COL11A1: variants seen among roughly 807,000 people sequenced by gnomAD.
COL11A1 encodes the protein collagen alpha-1(XI) chain.
COL11A1 carries 74 observed loss-of-function variants against 265.2 expected under a neutral mutation model. The observed-to-expected ratio is 0.28, with a 90% CI of 0.23 to 0.34. COL11A1 has a LOEUF of 0.34. COL11A1 is among the 10% of genes least tolerant of loss of function. The probability of loss-of-function intolerance (pLI) is 1.00; values close to 1 mark genes in which losing one functional copy is unlikely to be tolerated. For synonymous variants in COL11A1, 816 were observed against 727.6 expected, an observed-to-expected ratio of 1.12 and a Z score of -1.96; for missense variants, 2,165 against 2,263.6, an observed-to-expected ratio of 0.96 and a Z score of 0.88.
chr1:102,993,927 G>C (rs1664372419), intron 28 of COL11A1, among the ~76,000 whole-genome samples: 1 of 152,138 alleles, frequency 6.6e-6, no homozygotes, highest in African/African-American at 2.4e-5. Flanking sequence ...CCCATAGGGA[G>C]AGCCAACTGG....
At chr1:103,007,893 C>T (rs1423944377) in intron 15 of COL11A1, among the ~76,000 whole-genome samples, 1 of 145,004 alleles carries the variant, frequency 6.9e-6, no homozygotes, top group Non-Finnish European at 1.5e-5. Context: ...AAAAGATTGT[C>T]TACAGGTTAA....
At chr1:102,920,098 C>A (rs1009545331) in intron 49 of COL11A1, among the ~76,000 whole-genome samples, 1 of 151,972 alleles carries the variant, frequency 6.6e-6, no homozygotes, top group Non-Finnish European at 1.5e-5. Context: ...GAACATAATG[C>A]CTGCACTCAT....
At chr1:103,037,415 C>A (rs1668464167) in intron 4 of COL11A1, among the ~76,000 whole-genome samples, 1 of 151,962 alleles carries the variant, frequency 6.6e-6, no homozygotes, top group African/African-American at 2.4e-5. Flanking sequence ...TGAAGCCAAC[C>A]AGTGATTGGT....
rs374901069 is a variant in COL11A1, at chr1:102,898,928, A to T, written c.4140+13T>A. ...ATATAATATATATTATGTATATATT[A>T]TTTTTTTTTTACCTTAGCACCTTTT... On this transcript the variant is annotated intron_variant, in intron 55 of 66. Transcript: ENST00000370096. 2.8e-3 allele frequency: 3,527 copies of T among 1,254,064 alleles called. 2 individuals carry two copies. The highest frequency in any genetic ancestry group is 3.6e-3 in the Non-Finnish European group (3,295 of 915,626). The allele number at this position is 1,254,064 out of a possible 1,614,324, so 77.7% of individuals were successfully genotyped here. A position where few individuals can be genotyped will look rare whatever the true frequency, so the allele number is the denominator to read the frequency against.
intron 1 of COL11A1, among the ~76,000 whole-genome samples, chr1:103,095,861 C>T (rs1010447211): frequency 4.6e-5 from 7 of 151,640 alleles, no homozygotes; most frequent in African/African-American, 1.7e-4. Flanking sequence ...TATATAAAAG[C>T]CAAAATCTTT....
chr1:103,046,437 C>G lies in COL11A1; in HGVS notation c.652-15193G>C, dbSNP rs540547711. On this transcript the variant is annotated intron_variant, in intron 4 of 66. Transcript: ENST00000370096. ...AGTGTCTGTTCATATCCTTTGCCCA[C>G]TTTTTGATGGGGTTGTTAGTTTTTT... Among the ~76,000 whole-genome samples, 3 of 151,742 alleles carry G rather than the reference C, an allele frequency of 2.0e-5. No homozygotes were observed. In the South Asian group the frequency reaches 6.3e-4, roughly 32 times the overall value.
chr1:103,091,362 T>C (rs1202361144), intron 1 of COL11A1, among the ~76,000 whole-genome samples: 5 of 152,070 alleles, frequency 3.3e-5, no homozygotes, highest in Non-Finnish European at 7.4e-5. Flanking sequence ...CAGAAGTTCA[T>C]ATTTAAATGA....
intron 64 of COL11A1, 32 bp downstream of exon 64, chr1:102,883,167 A>T (rs751423255): frequency 1.4e-6 from 2 of 1,410,882 alleles, no homozygotes; most frequent in Admixed American, 3.3e-5. Context: ...AGGAACTGTC[A>T]ACATTCACCA....
chr1:102,990,925 C>T (rs961424276), intron 28 of COL11A1, among the ~76,000 whole-genome samples: 2 of 151,760 alleles, frequency 1.3e-5, no homozygotes, highest in African/African-American at 4.8e-5. Context: ...CCCAGCTACT[C>T]GGGAGGCTGA....
rs1031865082 is a variant in COL11A1 at position 102,938,932 on chromosome 1, G to A, written c.3438+103C>T. The stretch of plus-strand genomic sequence containing the variant: ...AGGTAATGTAGTATTGGTATTATAA[G>A]TATTGGCTAGGAAAGTAAGTAGCAC... On this transcript the variant is annotated intron_variant, in intron 44 of 66. Coordinates refer to ENST00000370096, the MANE Select transcript of COL11A1 (RefSeq NM_001854.4). 51 of 936,680 alleles carry A rather than the reference G, an allele frequency of 5.4e-5. No homozygotes were observed. The African/African-American group carries it at 7.3e-4, about 13-fold the overall frequency. 58.0% of individuals were successfully genotyped at this position (936,680 alleles called of 1,614,324 possible).
chr1:102,964,020 G>T (rs1661167617), intron 38 of COL11A1, among the ~76,000 whole-genome samples: 1 of 151,928 alleles, frequency 6.6e-6, no homozygotes, highest in Non-Finnish European at 1.5e-5. Context: ...TCTTAAAAAG[G>T]ACCAATAAAA....
chr1:103,012,276 TAATGGAAA>T, intron 14 of COL11A1, 129 bp downstream of exon 14: 1 of 671,814 alleles, frequency 1.5e-6, no homozygotes, highest in African/African-American at 1.8e-5. Flanking sequence ...AGGATTTTTT[TAATGGAAA>T]CAACAGCAAG....
At chr1:103,065,649 T>G (rs976059684) in intron 4 of COL11A1, among the ~76,000 whole-genome samples, 1 of 142,804 alleles carries the variant, frequency 7.0e-6, no homozygotes, top group Admixed American at 6.9e-5. Context: ...TCAGGAAGAG[T>G]TTTTAAAACA....
intron 4 of COL11A1, among the ~76,000 whole-genome samples, chr1:103,036,863 G>C (rs1668411205): frequency 6.6e-6 from 1 of 152,024 alleles, no homozygotes; most frequent in Admixed American, 6.6e-5. Context: ...CAATTACTTT[G>C]TGATCTCCAG....
At chr1:102,884,164 C>A (rs1157111950) in intron 63 of COL11A1, among the ~76,000 whole-genome samples, 1 of 152,196 alleles carries the variant, frequency 6.6e-6, no homozygotes, top group African/African-American at 2.4e-5. Flanking sequence ...CTGACCTCTG[C>A]CCTCCTGTCT....
intron 1 of COL11A1, among the ~76,000 whole-genome samples, chr1:103,097,652 C>T (rs1673888027): frequency 6.6e-6 from 1 of 151,958 alleles, no homozygotes; most frequent in Non-Finnish European, 1.5e-5. Flanking sequence ...CCACCAACTA[C>T]CTTTAGCATA....
At chr1:102,901,278 C>T (rs1325976955) in intron 54 of COL11A1, among the ~76,000 whole-genome samples, 3 of 149,076 alleles carry the variant, frequency 2.0e-5, no homozygotes, top group Non-Finnish European at 4.4e-5. Flanking sequence ...CGAGATTGCA[C>T]GATTGTGCTC....
At chr1:103,023,644 T>A (rs10747435) in intron 7 of COL11A1, among the ~76,000 whole-genome samples, 142,537 of 152,214 alleles carry the variant, frequency 0.94, 66,975 homozygotes, top group East Asian at 1. Context: ...TGTGCGAGCC[T>A]CCACACCCTG....
intron 41 of COL11A1, among the ~76,000 whole-genome samples, chr1:102,947,702 C>T (rs1659446630): frequency 6.6e-6 from 1 of 151,718 alleles, no homozygotes; most frequent in Admixed American, 6.6e-5. Flanking sequence ...AAAATAATCA[C>T]ATGGATACTG....
Sources: gnomAD v4.1 joint callset for allele counts (sites outside exome capture counted in the v4.1 genomes callset) on GRCh38, gnomAD v4.1.1 for gene constraint, MANE v1.5 for transcripts, NCBI Gene and HGNC (gene_info 2026-07-23, HGNC 2026-07-21) for gene names.